The following AGBL4 variants were observed in gnomAD, a reference collection of about 807,000 sequenced individuals.
AGBL4 encodes cytosolic carboxypeptidase 6.
In AGBL4, 58 loss-of-function variants were observed where a neutral mutation model predicts 66.4. That is an observed-to-expected ratio of 0.87 (90% CI 0.71 to 1.09). The LOEUF (loss-of-function observed/expected upper bound fraction) is 1.09. Among genes scored for constraint, AGBL4 ranks in the 50% least tolerant of loss-of-function variants. The pLI, the probability that AGBL4 is intolerant of heterozygous loss-of-function variation, is 0.00. For synonymous variants in AGBL4, 234 were observed against 222.9 expected (o/e 1.05, Z -0.44); for missense variants, 579 against 631.0 (o/e 0.92, Z 0.88).
At position 49,331,142 on chromosome 1, in the gene AGBL4, T is replaced by C. The variant is rs563788713; in HGVS notation, c.283-85278A>G. On this transcript the variant is annotated intron_variant, in intron 3 of 13. Transcript: ENST00000371839. Reference sequence around the variant, plus strand: ...CTGTGTGGAGTCTCGGCAGAGCTGCTGCTCAGGCATGCACAGAGACCCAGG... The same window carrying C: ...CTGTGTGGAGTCTCGGCAGAGCTGCCGCTCAGGCATGCACAGAGACCCAGG... 2.8e-4 allele frequency among the ~76,000 whole-genome samples: 42 copies of C among 151,554 alleles called. No homozygotes were observed. In the South Asian group the frequency reaches 6.1e-3, roughly 22 times the overall value.
chr1:49,065,845 A>G (rs1001284884), intron 4 of AGBL4, among the ~76,000 whole-genome samples: 11 of 152,192 alleles, frequency 7.2e-5, no homozygotes, highest in Admixed American at 4.6e-4. Context: ...CAACCAGCCC[A>G]TTCCTTTCTG....
chr1:49,335,675 C>A (rs1243096867), intron 3 of AGBL4, among the ~76,000 whole-genome samples: 1 of 152,064 alleles, frequency 6.6e-6, no homozygotes, highest in East Asian at 1.9e-4. Context: ...GCCACCACAC[C>A]CGGCTAATTT....
intron 6 of AGBL4, among the ~76,000 whole-genome samples, chr1:48,802,462 G>T (rs1242646958): frequency 6.6e-6 from 1 of 152,052 alleles, no homozygotes; most frequent in East Asian, 1.9e-4. Context: ...GACAGAAATT[G>T]CATTTTAATC....
intron 3 of AGBL4, among the ~76,000 whole-genome samples, chr1:49,409,115 T>C (rs1340088032): frequency 6.7e-6 from 1 of 149,150 alleles, no homozygotes; most frequent in East Asian, 2.0e-4. Context: ...CTGTCTCCCC[T>C]CTCCTTCCTC....
intron 2 of AGBL4, among the ~76,000 whole-genome samples, chr1:49,697,943 G>A (rs964686876): frequency 5.9e-5 from 9 of 152,258 alleles, no homozygotes; most frequent in African/African-American, 2.2e-4. Flanking sequence ...AATATGTACA[G>A]TAAGGTTTTA....
intron 4 of AGBL4, among the ~76,000 whole-genome samples, chr1:49,130,974 A>C (rs1399281292): frequency 6.6e-6 from 1 of 152,172 alleles, no homozygotes; most frequent in Non-Finnish European, 1.5e-5. Context: ...ATAAACATTC[A>C]TAGTAGCTTT....
At chr1:49,476,521 T>A (rs1013778300) in intron 3 of AGBL4, among the ~76,000 whole-genome samples, 11 of 152,064 alleles carry the variant, frequency 7.2e-5, no homozygotes, top group African/African-American at 2.4e-4. Context: ...TCCCCCACTA[T>A]TATTGGTGGC....
chr1:49,203,241 A>G (rs1647863939), intron 4 of AGBL4, among the ~76,000 whole-genome samples: 1 of 152,118 alleles, frequency 6.6e-6, no homozygotes, highest in Admixed American at 6.6e-5. Flanking sequence ...AAGTAGAACT[A>G]CAGTATGATC....
intron 1 of AGBL4, among the ~76,000 whole-genome samples, chr1:49,871,685 TA>T (rs1646842382): frequency 6.6e-6 from 1 of 152,184 alleles, no homozygotes; most frequent in South Asian, 2.1e-4. Flanking sequence ...ATTATATTTA[TA>T]TAAATGTGTT....
intron 6 of AGBL4, chr1:48,759,450 G>T (rs1484268094): frequency 3.9e-6 from 5 of 1,266,678 alleles, no homozygotes; most frequent in Non-Finnish European, 5.2e-6. Flanking sequence ...TATAAATGGG[G>T]AAACATTTTA....
intron 3 of AGBL4, among the ~76,000 whole-genome samples, chr1:49,375,036 C>G (rs912923381): frequency 6.6e-6 from 1 of 152,184 alleles, no homozygotes; most frequent in Admixed American, 6.6e-5. Context: ...TCAGTGTTAT[C>G]AAATTACTTG....
At chr1:48,523,627 C>T in the AGBL4 span, among the ~76,000 whole-genome samples, 1 of 152,146 alleles carries the variant, frequency 6.6e-6, no homozygotes, top group African/African-American at 2.4e-5. Context: ...GCATGTATGG[C>T]AAACAGGCTT....
chr1:49,116,711 T>A (rs1645531774), intron 4 of AGBL4, among the ~76,000 whole-genome samples: 3 of 152,252 alleles, frequency 2.0e-5, no homozygotes, highest in Admixed American at 1.3e-4. Context: ...AGTAGCATGA[T>A]TTATAAACCT....
intron 1 of AGBL4, among the ~76,000 whole-genome samples, chr1:49,944,542 G>C (rs1050570939): frequency 1.3e-5 from 2 of 152,010 alleles, no homozygotes; most frequent in Non-Finnish European, 2.9e-5. Flanking sequence ...TACTATGTAG[G>C]ACAAAAGAAT....
chr1:49,309,380 G>A (rs1644905307), intron 3 of AGBL4, among the ~76,000 whole-genome samples: 1 of 152,050 alleles, frequency 6.6e-6, no homozygotes, highest in Admixed American at 6.6e-5. Flanking sequence ...AAAATATGCT[G>A]ATTCACTGTG....
intron 5 of AGBL4, among the ~76,000 whole-genome samples, chr1:48,952,474 A>C (rs916441639): frequency 1.3e-5 from 2 of 152,242 alleles, no homozygotes; most frequent in African/African-American, 4.8e-5. Flanking sequence ...GAGAGAAGCT[A>C]ATCAAATAAA....
intron 2 of AGBL4, among the ~76,000 whole-genome samples, chr1:49,739,277 A>C (rs973296245): frequency 6.6e-6 from 1 of 152,226 alleles, no homozygotes; most frequent in Non-Finnish European, 1.5e-5. Flanking sequence ...TCAGTAGCTG[A>C]TTCGATCAAC....
intron 4 of AGBL4, among the ~76,000 whole-genome samples, chr1:49,159,279 A>C (rs1248710310): frequency 1.3e-5 from 2 of 151,980 alleles, no homozygotes; most frequent in African/African-American, 4.8e-5. Flanking sequence ...ATCTCTCAGC[A>C]TTTGCTTGTC....
rs1644982330 is a variant in AGBL4, at chr1:49,396,723, T to A, written c.283-150859A>T. 2.0e-5 allele frequency among the ~76,000 whole-genome samples: 3 copies of A among 152,176 alleles called. No homozygotes were observed. The South Asian group carries it at 6.2e-4, about 31-fold the overall frequency. On this transcript the variant is annotated intron_variant, in intron 3 of 13. Coordinates refer to ENST00000371839, the MANE Select transcript of AGBL4 (RefSeq NM_032785.4). ...AGCTTTCATGTAAATCACTTCCTGATCCCACTCCTCTTCACTGTTGGCAAA... is the reference window on the plus strand; with the variant it reads ...AGCTTTCATGTAAATCACTTCCTGAACCCACTCCTCTTCACTGTTGGCAAA...
Sources: allele counts gnomAD v4.1 joint callset (sites outside exome capture counted in the v4.1 genomes callset), GRCh38; gene constraint gnomAD v4.1.1; transcripts MANE v1.5; gene names NCBI Gene and HGNC (gene_info 2026-07-23, HGNC 2026-07-21).